The following ACSS3 variants were observed in gnomAD, a reference collection of about 807,000 sequenced individuals.
ACSS3 encodes the protein acyl-CoA synthetase short-chain family member 3, mitochondrial.
ACSS3 carries 64 observed loss-of-function variants against 84.2 expected under a neutral mutation model. The ratio of observed to expected loss-of-function variants is 0.76; its 90% confidence interval spans 0.62 to 0.94. The LOEUF (loss-of-function observed/expected upper bound fraction) is 0.94, where lower values mean the gene tolerates loss of function less well. Among genes scored for constraint, ACSS3 ranks in the 40% least tolerant of loss-of-function variants. The probability of loss-of-function intolerance (pLI) is 0.00; values close to 1 mark genes in which losing one functional copy is unlikely to be tolerated. For synonymous variants in ACSS3, 317 were observed against 310.1 expected, an observed-to-expected ratio of 1.02 and a Z score of -0.23; for missense variants, 815 against 867.6, an observed-to-expected ratio of 0.94 and a Z score of 0.76.
chr12:81,180,099 G>A (rs1283133023), intron 8 of ACSS3, among the ~76,000 whole-genome samples: 1 of 152,200 alleles, frequency 6.6e-6, no homozygotes, highest in African/African-American at 2.4e-5. Context: ...TAGAGGTGTA[G>A]ACCATTATCC....
intron 7 of ACSS3, among the ~76,000 whole-genome samples, chr12:81,170,409 TC>T (rs1455017957): frequency 6.6e-6 from 1 of 152,174 alleles, no homozygotes; most frequent in Non-Finnish European, 1.5e-5. Flanking sequence ...ACATTATAAA[TC>T]TTGCTAATAT....
rs1593250222 is a variant in ACSS3, at chr12:81,256,441, A to T, written c.*1519A>T. On this transcript the variant is annotated 3_prime_UTR_variant, in exon 16 of 16. Transcript: ENST00000548058. ...TAACTAAGGTAGACAGATGTAGGAA[A>T]TTAAATATTTGATTTACTTAGGGAT... 6.6e-6 allele frequency: 1 copy of T among 152,182 alleles called. No individual in the cohort carries two copies. Among genetic ancestry groups the T allele is most frequent in the East Asian group, 1.9e-4 (1 of 5,190 alleles). 9.4% of individuals were successfully genotyped at this position (152,182 alleles called of 1,614,324 possible).
At chr12:81,080,845 G>A (rs1314667250) in intron 1 of ACSS3, among the ~76,000 whole-genome samples, 1 of 152,160 alleles carries the variant, frequency 6.6e-6, no homozygotes, top group Admixed American at 6.5e-5. Flanking sequence ...GATTTTTGTT[G>A]CTATAAAACA....
chr12:81,137,118 A>G (rs1257674271), intron 3 of ACSS3, among the ~76,000 whole-genome samples: 1 of 147,296 alleles, frequency 6.8e-6, no homozygotes, highest in African/African-American at 2.4e-5. Context: ...TGGACAAACC[A>G]TCTGGGTCCT....
At chr12:81,154,175 T>C (rs573336275) in intron 7 of ACSS3, among the ~76,000 whole-genome samples, 16 of 152,358 alleles carry the variant, frequency 1.1e-4, no homozygotes, top group African/African-American at 3.8e-4. Context: ...ACCTCTACAC[T>C]GAATAGTTAT....
chr12:81,088,317 G>A (rs1229497483), intron 1 of ACSS3, among the ~76,000 whole-genome samples: 1 of 152,050 alleles, frequency 6.6e-6, no homozygotes, highest in East Asian at 1.9e-4. Flanking sequence ...CTGAGATTTT[G>A]CAATCGTTAC....
At position 81,258,858 on chromosome 12, in the gene ACSS3, T is replaced by A. The variant is rs1379485646; in HGVS notation, c.*3936T>A. ...TGTGGTTCTTAGTAAAGAAGTTTTT[T>A]TATCTTTTTTTTTTTCTTGGTCCAC... On this transcript the variant is annotated 3_prime_UTR_variant, in exon 16 of 16. Transcript: ENST00000548058. The A allele has an allele frequency of 6.6e-6, 1 of 150,830 alleles. No individual in the cohort carries two copies. Among genetic ancestry groups the A allele is most frequent in the African/African-American group, 2.5e-5 (1 of 40,292 alleles). The allele number at this position is 150,830 out of a possible 1,614,324, so 9.3% of individuals were successfully genotyped here.
At chr12:81,078,056 A>C, upstream of ACSS3, 1 of 1,425,498 alleles carries the variant, frequency 7.0e-7, no homozygotes. Context: ...CCCTTCCCTC[A>C]GGCCCCAGGA....
chr12:81,195,363 A>G (rs937741844), intron 8 of ACSS3, among the ~76,000 whole-genome samples: 1 of 152,014 alleles, frequency 6.6e-6, no homozygotes, highest in African/African-American at 2.4e-5. Flanking sequence ...AGTTATAGGT[A>G]TATCAACCTC....
At chr12:81,158,253 T>A (rs1249455031) in intron 7 of ACSS3, 1 of 152,168 alleles carries the variant, frequency 6.6e-6, no homozygotes, top group Non-Finnish European at 1.5e-5. Flanking sequence ...ATTTTCCTGA[T>A]AATTACCACA....
At chr12:81,132,732 A>G (rs1158562785) in intron 2 of ACSS3, among the ~76,000 whole-genome samples, 1 of 152,152 alleles carries the variant, frequency 6.6e-6, no homozygotes, top group Non-Finnish European at 1.5e-5. Context: ...ACTGGATTAT[A>G]AAGTTACTGA....
chr12:81,226,637 A>G (rs2033281970), intron 11 of ACSS3, among the ~76,000 whole-genome samples: 1 of 151,866 alleles, frequency 6.6e-6, no homozygotes, highest in Non-Finnish European at 1.5e-5. Flanking sequence ...TCCTGAAAAT[A>G]CTGCTTTTAC....
At chr12:81,250,361 T>C (rs2034112281) in intron 13 of ACSS3, among the ~76,000 whole-genome samples, 1 of 152,142 alleles carries the variant, frequency 6.6e-6, no homozygotes, top group Admixed American at 6.6e-5. Context: ...TGACACATAA[T>C]TCTTGAAAAT....
intron 7 of ACSS3, among the ~76,000 whole-genome samples, chr12:81,153,453 C>A (rs1886715440): frequency 6.7e-6 from 1 of 149,924 alleles, no homozygotes; most frequent in Non-Finnish European, 1.5e-5. Context: ...GCTAGTCTGA[C>A]AAATAATACA....
At chr12:81,085,569 GCTCCAGTGGC>G in intron 1 of ACSS3, among the ~76,000 whole-genome samples, 2 of 152,182 alleles carry the variant, frequency 1.3e-5, no homozygotes, top group Non-Finnish European at 2.9e-5. Flanking sequence ...AGTATTAATA[GCTCCAGTGGC>G]TAAGCCCAGA....
intron 7 of ACSS3, among the ~76,000 whole-genome samples, chr12:81,160,468 G>A (rs1186262169): frequency 6.6e-6 from 1 of 152,160 alleles, no homozygotes; most frequent in Non-Finnish European, 1.5e-5. Context: ...CAGGAGTATG[G>A]TCGCTGGACT....
intron 9 of ACSS3, among the ~76,000 whole-genome samples, chr12:81,216,251 G>A (rs1444929533): frequency 6.6e-6 from 1 of 150,586 alleles, no homozygotes; most frequent in African/African-American, 2.4e-5. Flanking sequence ...ATTAAACAAT[G>A]AGAACACATG....
In ACSS3 at chr12:81,255,721, C is replaced by T. The variant is rs1389238609; in HGVS notation, c.*799C>T. The T allele has an allele frequency of 6.6e-6, 1 of 152,176 alleles. No individual in the cohort carries two copies. The highest frequency in any genetic ancestry group is 2.1e-4 in the South Asian group (1 of 4,814). The allele number at this position is 152,176 out of a possible 1,614,324, so 9.4% of individuals were successfully genotyped here. ...TGAGGCAAGGAGAATCACTTGAATA[C>T]AAGAGGCAGAGGTTGCAGTGAGCCA... is the stretch of plus-strand genomic sequence containing the variant. On this transcript the variant is annotated 3_prime_UTR_variant, in exon 16 of 16. Transcript: ENST00000548058.
chr12:81,193,439 A>G (rs1343123619), intron 8 of ACSS3, among the ~76,000 whole-genome samples: 2 of 151,882 alleles, frequency 1.3e-5, no homozygotes, highest in African/African-American at 2.4e-5. Context: ...ATTTGACAGC[A>G]TTATCATTTT....
Sources: allele counts gnomAD v4.1 joint callset (sites outside exome capture counted in the v4.1 genomes callset), GRCh38; gene constraint gnomAD v4.1.1; transcripts MANE v1.5; gene names NCBI Gene and HGNC (gene_info 2026-07-23, HGNC 2026-07-21).